The following ATM variants were observed in gnomAD, a reference collection of about 807,000 sequenced individuals.
ATM encodes the protein serine-protein kinase ATM.
ATM carries 308 observed loss-of-function variants against 387.0 expected under a neutral mutation model. The observed-to-expected ratio is 0.80, with a 90% CI of 0.73 to 0.87. The LOEUF (loss-of-function observed/expected upper bound fraction) is 0.87, where lower values mean the gene tolerates loss of function less well. ATM is among the 40% of genes least tolerant of loss of function. The pLI is 0.00. For missense variants in ATM, 3,312 were observed against 3,560.9 expected (o/e 0.93, Z 1.78); for synonymous variants, 1,156 against 1,187.3 (o/e 0.97, Z 0.54).
intron 60 of ATM, 77 bp from the exon 61 acceptor site, chr11:108,354,733 AT>A: frequency 2.5e-6 from 3 of 1,217,274 alleles, no homozygotes; most frequent in Non-Finnish European, 3.7e-6. Flanking sequence ...CATACTACAC[AT>A]GAGAGTATAC....
rs200190537 is a variant in ATM at position 108,347,374 on chromosome 11, T to G, written c.8671+9T>G. ...TGTACATATAGATCTAGGTAAGTAATAAAATCTATGTATCTATTCTTTTTA... is the reference window on the plus strand; with the variant it reads ...TGTACATATAGATCTAGGTAAGTAAGAAAATCTATGTATCTATTCTTTTTA... On this transcript the variant is annotated intron_variant, in intron 59 of 62. Transcript: ENST00000675843. The G allele has an allele frequency of 1.9e-4, 300 of 1,561,712 alleles. No homozygotes were observed. The highest frequency in any genetic ancestry group is 2.4e-4 in the Non-Finnish European group (272 of 1,133,172).
At chr11:108,332,169 T>C (rs2086330365) in intron 52 of ATM, 132 bp downstream of exon 52, 4 of 1,177,742 alleles carry the variant, frequency 3.4e-6, no homozygotes, top group African/African-American at 1.5e-5. Context: ...GGCTCACGCC[T>C]GTAATCCCAG....
In ATM at chr11:108,301,763, C is replaced by T. The variant is rs2083444895; in HGVS notation, c.5293C>T (p.Gln1765Ter). The T allele has an allele frequency of 6.2e-7, 1 of 1,613,516 alleles. No individual in the cohort carries two copies. The highest frequency in any genetic ancestry group is 1.3e-5 in the African/African-American group (1 of 74,880). The part of the protein sequence containing the change: ...MTTDPMLAYL[Q>*]PFRTSRKKFL... ...AACAGATCCAATGCTGGCCTATCTA[C>T]AGCCTTTTAGAACATCAAGAAAAAA... The change falls in exon 35 of 63, where the codon CAG becomes TAG. Residue 1765 changes from glutamine to a stop codon, truncating the protein, a stop_gained. Coordinates refer to ENST00000675843, the MANE Select transcript of ATM (RefSeq NM_000051.4). LOFTEE classifies it high-confidence loss of function.
In ATM at chr11:108,317,822, T is replaced by G. The variant is rs551341403; in HGVS notation, c.6347+301T>G. 5.3e-5 allele frequency among the ~76,000 whole-genome samples: 8 copies of G among 151,640 alleles called. No individual in the cohort carries two copies. In the South Asian group the frequency reaches 1.2e-3, roughly 24 times the overall value. On this transcript the variant is annotated intron_variant, in intron 43 of 62. Transcript: ENST00000675843. ...TAATGCACCTAGGCTTGAATTTTAC[T>G]CTCTTATTCCATTAGGACAACTTCA...
chr11:108,312,353 A>G, intron 39 of ATM, 58 bp from the exon 40 acceptor site: 1 of 1,301,432 alleles, frequency 7.7e-7, no homozygotes, highest in Non-Finnish European at 1.1e-6. Flanking sequence ...TAGTATATGT[A>G]TTCAGGAGCT....
At chr11:108,267,036 T>TCAGC in intron 16 of ATM, 135 bp from the exon 17 acceptor site, 1 of 821,754 alleles carries the variant, frequency 1.2e-6, no homozygotes. Flanking sequence ...CCTCAGGTGA[T>TCAGC]CCACCTGGCT....
In ATM at chr11:108,279,497, C is replaced by G. The variant is rs876658491; in HGVS notation, c.3291C>G (p.Phe1097Leu). 3 of 1,606,442 alleles carry G rather than the reference C, an allele frequency of 1.9e-6. No homozygotes were observed. Among genetic ancestry groups the G allele is most frequent in the Non-Finnish European group, 1.7e-6 (2 of 1,174,928 alleles). ...TTTGCTTGCTTGTTTTAAGATTGTT[C>G]CAGGACACGAAGGGAGATTCTTCCA... is the stretch of plus-strand genomic sequence containing the variant. Reference protein sequence around the residue: ...MLAAESINRLFQDTKGDSSRL... With the variant: ...MLAAESINRLLQDTKGDSSRL... The change falls in exon 23 of 63, where the codon TTC (phenylalanine) becomes TTG (leucine). Residue 1097 changes from phenylalanine (F) to leucine (L), a missense_variant. By Grantham distance (22) the Phe-to-Leu change is conservative. Transcript: ENST00000675843.
chr11:108,227,544 A>T (rs1039736256), intron 1 of ATM, 51 bp from the exon 2 acceptor site: 3 of 1,128,428 alleles, frequency 2.7e-6, no homozygotes, highest in Non-Finnish European at 4.0e-6. Flanking sequence ...TTCTCTCTAT[A>T]TATGCATATA....
At position 108,367,660 on chromosome 11, in the gene ATM, T is replaced by C. The variant is rs2091404873; in HGVS notation, c.*2152T>C. 1 of 213,114 alleles carries C rather than the reference T, an allele frequency of 4.7e-6. No homozygotes were observed. Among genetic ancestry groups the C allele is most frequent in the African/African-American group, 2.3e-5 (1 of 44,194 alleles). 13.2% of individuals were successfully genotyped at this position (213,114 alleles called of 1,614,324 possible). A position where few individuals can be genotyped will look rare whatever the true frequency, so the allele number is the denominator to read the frequency against. ...TATAAATTTTTTTCTTATGAAGAGT[T>C]GGCATTTCTTTTTATTGCCAATGGC... On this transcript the variant is annotated 3_prime_UTR_variant, in exon 63 of 63. Transcript: ENST00000675843.
Position 108,366,528 on chromosome 11 carries a change from G to A in ATM, c.*1020G>A. The A allele has an allele frequency of 4.4e-6, 1 of 228,352 alleles. No homozygotes were observed. The highest frequency in any genetic ancestry group is 8.7e-6 in the Non-Finnish European group (1 of 115,094). The allele number at this position is 228,352 out of a possible 1,614,324, so 14.1% of individuals were successfully genotyped here. ...TTGTATTTGATAGGCTGTTCATCCA[G>A]TTTTGTCTTTTTGAAAAGTGAGTTT... On this transcript the variant is annotated 3_prime_UTR_variant, in exon 63 of 63. Coordinates refer to ENST00000675843, the MANE Select transcript of ATM (RefSeq NM_000051.4).
rs2136242185 is a variant in ATM at position 108,321,389 on chromosome 11, G to A, written c.6541G>A (p.Glu2181Lys). Residue 2181 changes from glutamate (E) to lysine (K), a missense_variant, in exon 45 of 63, where the codon GAG (glutamate) becomes AAG (lysine). Glu to Lys is a moderately conservative substitution (Grantham distance 56). This residue lies in a region of ATM where 1,405 missense variants were observed against 1,604.4 expected (regional missense o/e 0.88). Coordinates refer to ENST00000675843, the MANE Select transcript of ATM (RefSeq NM_000051.4). ...ACTTAGCAGGTTGCAGGCCATTGGAGAGCTGGAAAGCATTGGGGAGCTTTT... is the reference window on the plus strand; with the variant it reads ...ACTTAGCAGGTTGCAGGCCATTGGAAAGCTGGAAAGCATTGGGGAGCTTTT... ...PTLSRLQAIGELESIGELFSR... is the reference protein window; with the variant it reads ...PTLSRLQAIGKLESIGELFSR... 2.5e-6 allele frequency: 4 copies of A among 1,614,194 alleles called. No individual in the cohort carries two copies. Among genetic ancestry groups the A allele is most frequent in the South Asian group, 1.1e-5 (1 of 91,080 alleles).
At position 108,234,686 on chromosome 11, in the gene ATM, A is replaced by G. The variant is rs574710133; in HGVS notation, c.332-984A>G. ...AGATTCTGTCTCTATGAAAAATTTA[A>G]AAAATTAGCTGGGCATGGTGGCACA... On this transcript the variant is annotated intron_variant, in intron 4 of 62. Coordinates refer to ENST00000675843, the MANE Select transcript of ATM (RefSeq NM_000051.4). Among the ~76,000 whole-genome samples the G allele has an allele frequency of 2.0e-5, 3 of 152,162 alleles. No homozygotes were observed. In the South Asian group the frequency reaches 6.2e-4, roughly 32 times the overall value.
At chr11:108,313,124 A>G (rs2084317481) in intron 40 of ATM, among the ~76,000 whole-genome samples, 1 of 152,112 alleles carries the variant, frequency 6.6e-6, no homozygotes, top group Non-Finnish European at 1.5e-5. Flanking sequence ...TCCTTTAATA[A>G]TCTTCCGTCA....
chr11:108,253,826 A>G lies in ATM; in HGVS notation c.1911A>G (p.Gln637=), dbSNP rs764790965. ...FQSVPECEHH[Q]KDKEELSFSE... is the part of the protein sequence containing the mutation. ...TACTTTCTTGAAGTGAACACCACCA[A>G]AAAGATAAAGAAGAACTTTCATTCT... The change falls in exon 13 of 63, where the codon CAA becomes CAG. Residue 637 remains glutamine, a synonymous_variant. Transcript: ENST00000675843. The G allele has an allele frequency of 1.5e-5, 25 of 1,613,408 alleles. No individual in the cohort carries two copies. The African/African-American group carries it at 2.4e-4, about 16-fold the overall frequency.
At chr11:108,245,675 G>A (rs1216201814) in intron 7 of ATM, among the ~76,000 whole-genome samples, 2 of 152,032 alleles carry the variant, frequency 1.3e-5, no homozygotes, top group South Asian at 4.1e-4. Context: ...GGCTGGAACT[G>A]GAGTTTCCTC....
In ATM at chr11:108,273,403, G is replaced by T. The variant is rs181005278; in HGVS notation, c.3284+551G>T. Among the ~76,000 whole-genome samples, 138 of 132,520 alleles carry T rather than the reference G, an allele frequency of 1.0e-3. 1 individual carries two copies. The highest frequency in any genetic ancestry group is 1.8e-3 in the Non-Finnish European group (115 of 65,120). The allele number at this position is 132,520 out of a possible 152,430, so 86.9% of individuals were successfully genotyped here. On this transcript the variant is annotated intron_variant, in intron 22 of 62. Transcript: ENST00000675843. ...GTCTCCCAGGCTGGAGTGCAATGGTGTGATCTCGGTTCACTTCAGCCTCTA... is the reference window on the plus strand; with the variant it reads ...GTCTCCCAGGCTGGAGTGCAATGGTTTGATCTCGGTTCACTTCAGCCTCTA...
chr11:108,357,364 G>C (rs1217500449), intron 61 of ATM, among the ~76,000 whole-genome samples: 1 of 152,248 alleles, frequency 6.6e-6, no homozygotes, highest in Non-Finnish European at 1.5e-5. Context: ...AGCGAGGCTG[G>C]GGGAGGGGCG....
intron 43 of ATM, 125 bp downstream of exon 43, chr11:108,317,646 T>TACACACACAC (rs1308746336): frequency 2.1e-5 from 3 of 141,682 alleles, no homozygotes; most frequent in African/African-American, 1.2e-4. Context: ...TATATATATA[T>TACACACACAC]ATATATACAC....
chr11:108,280,462 T>C (rs748707037), intron 23 of ATM, among the ~76,000 whole-genome samples: 7 of 152,138 alleles, frequency 4.6e-5, no homozygotes, highest in African/African-American at 7.2e-5. Flanking sequence ...AGAACTTGGA[T>C]CTTTTATACT....
Sources: allele counts gnomAD v4.1 joint callset (sites outside exome capture counted in the v4.1 genomes callset), GRCh38; gene constraint gnomAD v4.1.1; regional missense constraint gnomAD v4.1.1; transcripts MANE v1.5; gene names NCBI Gene and HGNC (gene_info 2026-07-23, HGNC 2026-07-21).